The following PTPRN2 variants were observed in gnomAD, a reference collection of about 807,000 sequenced individuals.
PTPRN2 encodes receptor-type tyrosine-protein phosphatase N2.
Under a neutral mutation model 118.8 loss-of-function variants are expected in PTPRN2, and 74 were observed. That is an observed-to-expected ratio of 0.62 (90% CI 0.52 to 0.76). The LOEUF is 0.76. Ranked by LOEUF, PTPRN2 falls within the 30% of genes least tolerant of loss-of-function variation. PTPRN2 has a pLI of 0.00. For synonymous variants in PTPRN2, 641 were observed against 608.0 expected, an observed-to-expected ratio of 1.05 and a Z score of -0.80; for missense variants, 1,481 against 1,394.4, an observed-to-expected ratio of 1.06 and a Z score of -0.99.
At chr7:157,756,621 T>A (rs560812006) in intron 12 of PTPRN2, among the ~76,000 whole-genome samples, 1 of 152,268 alleles carries the variant, frequency 6.6e-6, no homozygotes, top group South Asian at 2.1e-4. Context: ...AGTAGCAGTA[T>A]CTGCGCCTGC....
intron 19 of PTPRN2, chr7:157,574,538 T>C: frequency 3.7e-6 from 1 of 270,012 alleles, no homozygotes. Context: ...GAGAGAGAGT[T>C]TTTAAAGCAA....
chr7:158,312,549 T>C (rs1459941959), intron 3 of PTPRN2, among the ~76,000 whole-genome samples: 8 of 149,912 alleles, frequency 5.3e-5, no homozygotes, highest in Admixed American at 5.3e-4. Context: ...TGTGCTCCAG[T>C]GTAGACACCC....
At chr7:157,836,811 A>G (rs559607482) in intron 12 of PTPRN2, among the ~76,000 whole-genome samples, 9 of 152,164 alleles carry the variant, frequency 5.9e-5, no homozygotes, top group African/African-American at 2.2e-4. Flanking sequence ...AGAGACTTCC[A>G]AATTGTGTCA....
At chr7:158,139,719 G>T (rs1819194905) in intron 6 of PTPRN2, among the ~76,000 whole-genome samples, 1 of 152,162 alleles carries the variant, frequency 6.6e-6, no homozygotes, top group Non-Finnish European at 1.5e-5. Context: ...CCACACATGA[G>T]AATGGAAAGG....
rs755371365 is a variant in PTPRN2 at position 157,560,031 on chromosome 7, C to A, written c.2902+8871G>T. ...CCAGCACCCGGGACCAAGGAGGGAGCTTGCAGAAGGGACAGCCCTCGGCCA... is the reference window on the plus strand; with the variant it reads ...CCAGCACCCGGGACCAAGGAGGGAGATTGCAGAAGGGACAGCCCTCGGCCA... On this transcript the variant is annotated intron_variant, in intron 21 of 22. Transcript: ENST00000389418. The surrounding 1 kb of genome is among the most constrained non-coding windows in gnomAD (Gnocchi z 6.7). Among the ~76,000 whole-genome samples, 1 of 152,212 alleles carries A rather than the reference C, an allele frequency of 6.6e-6. No homozygotes were observed.
intron 2 of PTPRN2, among the ~76,000 whole-genome samples, chr7:158,342,085 G>C (rs1373053667): frequency 4.5e-5 from 2 of 44,468 alleles, no homozygotes; most frequent in East Asian, 1.3e-3. Context: ...TCACCAGAAG[G>C]GGTGTCACCT....
rs138367307 is a variant in PTPRN2 at position 158,271,193 on chromosome 7, A to G, written c.277+45626T>C. Among the ~76,000 whole-genome samples, 696 of 151,718 alleles carry G rather than the reference A, an allele frequency of 4.6e-3. 9 individuals are homozygous for G. The highest frequency in any genetic ancestry group is 0.016 in the African/African-American group (657 of 41,264). On this transcript the variant is annotated intron_variant, in intron 3 of 22. Coordinates refer to ENST00000389418, the MANE Select transcript of PTPRN2 (RefSeq NM_002847.5). ...AATTCGACTCTAGTGGGTGGCCAGGAGAGGTCACGTGCTGCTTCTCTTGTG... is the reference window on the plus strand; with the variant it reads ...AATTCGACTCTAGTGGGTGGCCAGGGGAGGTCACGTGCTGCTTCTCTTGTG...
intron 6 of PTPRN2, among the ~76,000 whole-genome samples, chr7:158,151,932 G>T (rs1585652106): frequency 6.6e-6 from 1 of 152,062 alleles, no homozygotes; most frequent in Non-Finnish European, 1.5e-5. Flanking sequence ...CCAGCACTTT[G>T]GGAGGCCGAG....
intron 12 of PTPRN2, among the ~76,000 whole-genome samples, chr7:157,727,453 G>T (rs1799662185): frequency 6.6e-6 from 1 of 152,174 alleles, no homozygotes; most frequent in Non-Finnish European, 1.5e-5. Flanking sequence ...GACACAGACT[G>T]TGTGATTCCA....
intron 2 of PTPRN2, among the ~76,000 whole-genome samples, chr7:158,453,855 C>T (rs1190114284): frequency 1.3e-5 from 2 of 152,164 alleles, no homozygotes; most frequent in Non-Finnish European, 2.9e-5. Flanking sequence ...ATGAAACTCA[C>T]ATTCTAGGTG....
chr7:157,629,605 C>T lies in PTPRN2; in HGVS notation c.2197-8096G>A, dbSNP rs921406463. Reference sequence around the variant, plus strand: ...TGACTGGAGGCGCCCATCATCACTCCGTGGGTCTTCGGATATGGGACGAGT... The same window carrying T: ...TGACTGGAGGCGCCCATCATCACTCTGTGGGTCTTCGGATATGGGACGAGT... On this transcript the variant is annotated intron_variant, in intron 14 of 22. Coordinates refer to ENST00000389418, the MANE Select transcript of PTPRN2 (RefSeq NM_002847.5). The surrounding 1 kb of genome is among the most constrained non-coding windows in gnomAD (Gnocchi z 4.4). 3.3e-5 allele frequency among the ~76,000 whole-genome samples: 5 copies of T among 152,118 alleles called. No individual in the cohort carries two copies. The highest frequency in any genetic ancestry group is 1.9e-4 in the East Asian group (1 of 5,166).
intron 6 of PTPRN2, among the ~76,000 whole-genome samples, chr7:158,141,826 C>G (rs1819412591): frequency 6.6e-6 from 1 of 152,212 alleles, no homozygotes; most frequent in South Asian, 2.1e-4. Flanking sequence ...ACAGGCATTT[C>G]TGAGACAGCA....
intron 12 of PTPRN2, among the ~76,000 whole-genome samples, chr7:157,719,742 G>A (rs1240457386): frequency 6.6e-6 from 1 of 152,238 alleles, no homozygotes; most frequent in Non-Finnish European, 1.5e-5. Flanking sequence ...ACCCCTCTCT[G>A]AAGACAGCCT....
At chr7:158,330,836 T>C (rs368356256) in intron 2 of PTPRN2, among the ~76,000 whole-genome samples, 1,130 of 17,630 alleles carry the variant, frequency 0.064, 7 homozygotes, top group Middle Eastern at 0.19. Context: ...GTCACTCACA[T>C]CCACATTCTC....
chr7:158,587,617 C>T lies in PTPRN2; in HGVS notation c.53G>A (p.Arg18His). The change falls in exon 1 of 23, where the codon CGC becomes CAC. Residue 18 changes from arginine (R) to histidine (H), a missense_variant. Arg to His is a conservative substitution (Grantham distance 29, BLOSUM62 0). This residue lies in a region of PTPRN2 where 1,115 missense variants were observed against 994.2 expected (regional missense o/e 1.12). Transcript: ENST00000389418. ...GGACGAAGGGGCGGCAGGCAGGACG[C>T]GTGGCGGCAGCAGCAGCAGTAGCAG... Reference protein sequence around the residue: ...LLLLLLLLPPRVLPAAPSSVP... With the variant: ...LLLLLLLLPPHVLPAAPSSVP... The T allele has an allele frequency of 7.3e-7, 1 of 1,361,654 alleles. No individual in the cohort carries two copies. Among genetic ancestry groups the T allele is most frequent in the East Asian group, 3.1e-5 (1 of 32,544 alleles). The allele number at this position is 1,361,654 out of a possible 1,614,324, so 84.3% of individuals were successfully genotyped here. A position where few individuals can be genotyped will look rare whatever the true frequency, so the allele number is the denominator to read the frequency against.
intron 11 of PTPRN2, among the ~76,000 whole-genome samples, chr7:158,068,690 T>C (rs1810976111): frequency 6.6e-6 from 1 of 152,210 alleles, no homozygotes; most frequent in Admixed American, 6.5e-5. Flanking sequence ...CACCTTAAGC[T>C]CCTGCCACCA....
chr7:157,835,440 A>G (rs1346923422), intron 12 of PTPRN2, among the ~76,000 whole-genome samples: 1 of 152,218 alleles, frequency 6.6e-6, no homozygotes, highest in Non-Finnish European at 1.5e-5. Flanking sequence ...ACAGTTCACA[A>G]CCGAACCCGC....
intron 2 of PTPRN2, among the ~76,000 whole-genome samples, chr7:158,432,136 C>G (rs1816255536): frequency 1.3e-5 from 2 of 152,196 alleles, no homozygotes. Context: ...GGGGAGGACT[C>G]AGAGTTCTCG....
intron 2 of PTPRN2, among the ~76,000 whole-genome samples, chr7:158,337,736 A>G (rs143586684): frequency 3.1e-5 from 2 of 64,168 alleles, no homozygotes; most frequent in South Asian, 6.5e-4. Context: ...GTCACTCACA[A>G]CCACACTCTC....
Sources: gnomAD v4.1 joint callset for allele counts (sites outside exome capture counted in the v4.1 genomes callset) on GRCh38, gnomAD v4.1.1 for gene constraint, gnomAD v4.1.1 regional missense constraint, Gnocchi (gnomAD v3.1) non-coding constraint, MANE v1.5 for transcripts, NCBI Gene and HGNC (gene_info 2026-07-23, HGNC 2026-07-21) for gene names.